Variants in RANBP2 observed in about 807,000 individuals in gnomAD.
RANBP2 encodes RAN binding protein 2, also known as E3 SUMO-protein ligase RanBP2.
Under a neutral mutation model 303.6 loss-of-function variants are expected in RANBP2, and 57 were observed. That is an observed-to-expected ratio of 0.19 (90% CI 0.15 to 0.23). RANBP2 has a LOEUF of 0.23. Among genes scored for constraint, RANBP2 ranks in the 10% least tolerant of loss-of-function variants. RANBP2 has a pLI of 1.00. For synonymous variants in RANBP2, 1,167 were observed against 1,301.5 expected (o/e 0.90, Z 2.23); for missense variants, 3,138 against 3,780.8 (o/e 0.83, Z 4.46).
the RANBP2 span, chr2:109,615,548 C>A: frequency 6.2e-7 from 1 of 1,613,966 alleles, no homozygotes; most frequent in Non-Finnish European, 8.5e-7. Context: ...TGCACGGCCA[C>A]GTGGAGGTGG....
At chr2:109,628,161 C>A in the RANBP2 span, among the ~76,000 whole-genome samples, 4 of 152,146 alleles carry the variant, frequency 2.6e-5, no homozygotes, top group Non-Finnish European at 5.9e-5. Context: ...TGCAGAGATG[C>A]TCCAGGCTAC....
Position 108,749,269 on chromosome 2 carries a change from G to A in RANBP2, c.1273+140G>A, listed in dbSNP as rs908237946. On this transcript the variant is annotated intron_variant, in intron 9 of 28. Transcript: ENST00000283195. ...GTTGGGCTGGGGGGAGTTTGAATGTGGTGCTGTGGGGGTGGCATGTATTTT... is the reference window on the plus strand; with the variant it reads ...GTTGGGCTGGGGGGAGTTTGAATGTAGTGCTGTGGGGGTGGCATGTATTTT... 6.3e-6 allele frequency: 9 copies of A among 1,426,736 alleles called. No homozygotes were observed. In the African/African-American group the frequency reaches 1.1e-4, roughly 18 times the overall value. 88.4% of individuals were successfully genotyped at this position (1,426,736 alleles called of 1,614,324 possible).
chr2:108,894,149 C>A, the RANBP2 span, among the ~76,000 whole-genome samples: 1 of 152,138 alleles, frequency 6.6e-6, no homozygotes, highest in Non-Finnish European at 1.5e-5. Flanking sequence ...ATGACTGTTG[C>A]TTTAAGCCAT....
chr2:108,773,551 T>C (rs1320906088), intron 23 of RANBP2, among the ~76,000 whole-genome samples: 2 of 152,158 alleles, frequency 1.3e-5, no homozygotes, highest in Non-Finnish European at 2.9e-5. Flanking sequence ...AGGTATATAC[T>C]GTTTATGGAT....
At chr2:108,947,452 C>A in the RANBP2 span, among the ~76,000 whole-genome samples, 1 of 152,210 alleles carries the variant, frequency 6.6e-6, no homozygotes, top group African/African-American at 2.4e-5. Context: ...GGGGCTCCAA[C>A]TGCATTGCCT....
At chr2:108,738,300 C>A (rs1409917746) in intron 6 of RANBP2, among the ~76,000 whole-genome samples, 27 of 151,896 alleles carry the variant, frequency 1.8e-4, no homozygotes, top group East Asian at 7.8e-4. Flanking sequence ...TGGTCTTGAT[C>A]TCCTGACCTT....
chr2:109,718,716 A>C, the RANBP2 span, among the ~76,000 whole-genome samples: 2 of 152,154 alleles, frequency 1.3e-5, no homozygotes, highest in Non-Finnish European at 2.9e-5. Flanking sequence ...GCAGTGGCTC[A>C]CGCCTGTAAT....
chr2:108,930,310 C>T, the RANBP2 span: 10 of 1,608,534 alleles, frequency 6.2e-6, no homozygotes, highest in African/African-American at 1.3e-4. Flanking sequence ...CTGCAAGACC[C>T]CAAGGTTGAC....
the RANBP2 span, among the ~76,000 whole-genome samples, chr2:109,763,179 T>G: frequency 2.4e-4 from 36 of 150,008 alleles, 1 homozygote; most frequent in African/African-American, 8.6e-4. Context: ...GTTAAATGAC[T>G]TTACTGAGGT....
chr2:108,879,129 TTTTA>T, the RANBP2 span, among the ~76,000 whole-genome samples: 1 of 152,188 alleles, frequency 6.6e-6, no homozygotes, highest in Non-Finnish European at 1.5e-5. Flanking sequence ...CGTTGCAGTC[TTTTA>T]TTTATTTATT....
At chr2:109,094,328 A>C in the RANBP2 span, among the ~76,000 whole-genome samples, 144,472 of 151,990 alleles carry the variant, frequency 0.95, 69,067 homozygotes, top group Non-Finnish European at 1. Flanking sequence ...ATCCGGTATT[A>C]TGTATAAAAG....
chr2:108,920,328 T>C, the RANBP2 span, among the ~76,000 whole-genome samples: 115,796 of 152,094 alleles, frequency 0.76, 44,735 homozygotes, highest in East Asian at 0.92. Context: ...TGTAATGAAA[T>C]CCAAGCCTGA....
chr2:109,572,422 C>T, the RANBP2 span, among the ~76,000 whole-genome samples: 2 of 152,136 alleles, frequency 1.3e-5, no homozygotes, highest in South Asian at 2.1e-4. Flanking sequence ...CACGAGCCAC[C>T]GTACCTGGCC....
the RANBP2 span, chr2:108,873,676 C>A: frequency 1.2e-6 from 1 of 821,256 alleles, no homozygotes; most frequent in East Asian, 2.7e-5. Context: ...TTTGGCTTCC[C>A]TGGGCCACAC....
downstream of RANBP2, among the ~76,000 whole-genome samples, chr2:108,788,466 C>G (rs1314731314): frequency 6.6e-6 from 1 of 151,388 alleles, no homozygotes; most frequent in Non-Finnish European, 1.5e-5. Context: ...CGCCTGTAAT[C>G]CCAGCACTTT....
At chr2:109,126,050 C>T in the RANBP2 span, among the ~76,000 whole-genome samples, 1 of 152,210 alleles carries the variant, frequency 6.6e-6, no homozygotes, top group African/African-American at 2.4e-5. Context: ...GAAGGTCTAG[C>T]AACATTTGGT....
At chr2:108,976,301 G>T in the RANBP2 span, among the ~76,000 whole-genome samples, 94 of 152,320 alleles carry the variant, frequency 6.2e-4, no homozygotes, top group Middle Eastern at 3.4e-3. Flanking sequence ...AGAGTTGTCA[G>T]ATGTTTTTCT....
At chr2:108,861,512 G>A in the RANBP2 span, among the ~76,000 whole-genome samples, 1 of 133,272 alleles carries the variant, frequency 7.5e-6, no homozygotes, top group Non-Finnish European at 1.5e-5. Context: ...ATGGAGTCTC[G>A]CTCTGTCACC....
At chr2:109,724,856 C>T in the RANBP2 span, among the ~76,000 whole-genome samples, 32 of 152,262 alleles carry the variant, frequency 2.1e-4, no homozygotes, top group East Asian at 4.6e-3. Flanking sequence ...AGGGAGGGCA[C>T]GGAGGTATGC....
Sources: gnomAD v4.1 joint callset for allele counts (sites outside exome capture counted in the v4.1 genomes callset) on GRCh38, gnomAD v4.1.1 for gene constraint, MANE v1.5 for transcripts, NCBI Gene and HGNC (gene_info 2026-07-23, HGNC 2026-07-21) for gene names.